The following OR3A2 variants were observed in gnomAD, a reference collection of about 807,000 sequenced individuals.
OR3A2 encodes olfactory receptor 3A2.
For missense variants in OR3A2, 318 were observed against 392.8 expected (o/e 0.81, Z 1.61); for synonymous variants, 126 against 159.3 (o/e 0.79, Z 1.57).
chr17:3,386,067 G>T, intron 1 of OR3A2, 58 bp downstream of exon 1: 1 of 398,794 alleles, frequency 2.5e-6, no homozygotes. Context: ...TGAGCATGGT[G>T]GCGCTGGTGA....
At chr17:3,361,902 C>T (rs2049520155) in intron 2 of OR3A2, among the ~76,000 whole-genome samples, 1 of 151,542 alleles carries the variant, frequency 6.6e-6, no homozygotes, top group African/African-American at 2.4e-5. Flanking sequence ...CTCTGCCCGG[C>T]TTTGGTATCA....
chr17:3,344,899 T>A, intron 2 of OR3A2, among the ~76,000 whole-genome samples: 1 of 152,276 alleles, frequency 6.6e-6, no homozygotes, highest in Non-Finnish European at 1.5e-5. Context: ...GGAAGAGCAG[T>A]AGCAGCTACC....
At chr17:3,317,700 T>C (rs778792432) in intron 3 of OR3A2, among the ~76,000 whole-genome samples, 8 of 152,130 alleles carry the variant, frequency 5.3e-5, no homozygotes, top group Admixed American at 2.0e-4. Context: ...AATTACTGAG[T>C]CAACAAGTAT....
chr17:3,311,567 G>T lies in OR3A2; in HGVS notation c.-85+24466C>A. 2.4e-6 allele frequency: 1 copy of T among 423,992 alleles called. No homozygotes were observed. The allele number at this position is 423,992 out of a possible 1,614,324, so 26.3% of individuals were successfully genotyped here. On this transcript the variant is annotated intron_variant, in intron 3 of 4. Coordinates refer to the OR3A2 transcript ENST00000573491. The surrounding 1 kb of genome is among the most constrained non-coding windows in gnomAD (Gnocchi z 4.6). The stretch of plus-strand genomic sequence containing the variant: ...CCTCTTTTCCAGCTCTCTTGCTCCA[G>T]CATCCACCTCAATGGGCAGCTGCTG...
chr17:3,285,330 T>A (rs886154316), upstream of OR3A2, among the ~76,000 whole-genome samples: 1 of 152,182 alleles, frequency 6.6e-6, no homozygotes, highest in Non-Finnish European at 1.5e-5. Flanking sequence ...CTTCTGATTA[T>A]TAGTGGTTTG....
At chr17:3,355,506 C>CAG (rs199498352) in intron 2 of OR3A2, among the ~76,000 whole-genome samples, 21,141 of 150,766 alleles carry the variant, frequency 0.14, 2,175 homozygotes, top group African/African-American at 0.25. Flanking sequence ...TACTACAGTG[C>CAG]TGCGTACATA....
At chr17:3,366,238 G>A (rs1328570398) in intron 2 of OR3A2, among the ~76,000 whole-genome samples, 3 of 152,134 alleles carry the variant, frequency 2.0e-5, no homozygotes, top group African/African-American at 7.2e-5. Flanking sequence ...TGGACATAGA[G>A]TGGCCACTAT....
intron 3 of OR3A2, among the ~76,000 whole-genome samples, chr17:3,295,902 C>T (rs1372173838): frequency 2.6e-5 from 4 of 152,046 alleles, no homozygotes; most frequent in Non-Finnish European, 2.9e-5. Flanking sequence ...AGCATTGATA[C>T]GTAAAGCAAA....
chr17:3,379,046 C>T (rs2049710584), intron 2 of OR3A2, among the ~76,000 whole-genome samples: 1 of 152,190 alleles, frequency 6.6e-6, no homozygotes, highest in Non-Finnish European at 1.5e-5. Flanking sequence ...ATATCTCACT[C>T]ATTCCACAAC....
At chr17:3,358,743 T>A (rs1457329654) in intron 2 of OR3A2, among the ~76,000 whole-genome samples, 1 of 151,820 alleles carries the variant, frequency 6.6e-6, no homozygotes, top group Non-Finnish European at 1.5e-5. Flanking sequence ...ACAAGAAGAA[T>A]GTATATTCTA....
At chr17:3,282,196 C>T (rs373083158) in intron 1 of OR3A2, among the ~76,000 whole-genome samples, 12 of 152,176 alleles carry the variant, frequency 7.9e-5, no homozygotes, top group African/African-American at 2.6e-4. Flanking sequence ...GGGTGGATCA[C>T]GAGGTCAGGA....
chr17:3,354,623 C>T (rs573651208), intron 2 of OR3A2, among the ~76,000 whole-genome samples: 58 of 151,046 alleles, frequency 3.8e-4, no homozygotes, highest in Non-Finnish European at 7.7e-4. Flanking sequence ...TCTTCATCTC[C>T]GATTTTATTT....
chr17:3,298,951 C>T (rs1418794750), intron 3 of OR3A2, among the ~76,000 whole-genome samples: 3 of 152,186 alleles, frequency 2.0e-5, no homozygotes, highest in Non-Finnish European at 4.4e-5. Context: ...GAGCAATAAA[C>T]AACCCAAGCT....
intron 2 of OR3A2, among the ~76,000 whole-genome samples, chr17:3,337,479 G>C (rs957744790): frequency 1.1e-4 from 17 of 151,882 alleles, no homozygotes; most frequent in South Asian, 4.2e-4. Context: ...CTGTGTCCAA[G>C]TGTTCTCATT....
chr17:3,372,690 G>A lies in OR3A2; in HGVS notation c.-179+11114C>T, dbSNP rs1305085831. Among the ~76,000 whole-genome samples the A allele has an allele frequency of 1.9e-3, 296 of 152,078 alleles. 1 individual carries two copies. The highest frequency in any genetic ancestry group is 6.1e-3 in the African/African-American group (254 of 41,496). On this transcript the variant is annotated intron_variant, in intron 2 of 4. Transcript: ENST00000573491. The stretch of plus-strand genomic sequence containing the variant: ...AATACGAAAACCAGTCAGGCGTGGC[G>A]GCGCGCGCCTGCAATCGCAGGCACT...
At chr17:3,352,493 C>G (rs572596649) in intron 2 of OR3A2, among the ~76,000 whole-genome samples, 2 of 151,984 alleles carry the variant, frequency 1.3e-5, no homozygotes, top group African/African-American at 4.8e-5. Context: ...TTTCCCAACA[C>G]CATTTGTTAA....
intron 3 of OR3A2, among the ~76,000 whole-genome samples, chr17:3,319,439 A>G (rs9893165): frequency 0.15 from 22,981 of 152,004 alleles, 2,311 homozygotes; most frequent in African/African-American, 0.28. Flanking sequence ...GGTTTGTTAC[A>G]TATGTATACA....
intron 2 of OR3A2, among the ~76,000 whole-genome samples, chr17:3,374,461 A>G (rs1313263180): frequency 1.3e-5 from 2 of 152,160 alleles, no homozygotes; most frequent in African/African-American, 4.8e-5. Context: ...GTTTAACATA[A>G]TCCCAAATTT....
intron 3 of OR3A2, among the ~76,000 whole-genome samples, chr17:3,317,824 C>A (rs1010482737): frequency 6.6e-6 from 1 of 152,018 alleles, no homozygotes; most frequent in Non-Finnish European, 1.5e-5. Flanking sequence ...TCCCCAGGCC[C>A]AAAACTCTAC....
Sources: allele counts gnomAD v4.1 joint callset (sites outside exome capture counted in the v4.1 genomes callset), GRCh38; gene constraint gnomAD v4.1.1; non-coding constraint Gnocchi (gnomAD v3.1); transcripts MANE v1.5; gene names NCBI Gene and HGNC (gene_info 2026-07-23, HGNC 2026-07-21).